The following ADCY2 variants were observed in gnomAD, a reference collection of about 807,000 sequenced individuals.
ADCY2 encodes adenylate cyclase type 2.
A neutral mutation model predicts 125.2 loss-of-function variants in ADCY2; 31 were observed. The ratio of observed to expected loss-of-function variants is 0.25; its 90% confidence interval spans 0.19 to 0.33. The LOEUF (loss-of-function observed/expected upper bound fraction) is 0.33. Among genes scored for constraint, ADCY2 ranks in the 10% least tolerant of loss-of-function variants. The probability of loss-of-function intolerance (pLI) is 1.00; values close to 1 mark genes in which losing one functional copy is unlikely to be tolerated. For missense variants in ADCY2, 904 were observed against 1,418.2 expected (o/e 0.64, Z 5.82); for synonymous variants, 512 against 548.4 (o/e 0.93, Z 0.93).
chr5:7,584,678 C>A (rs1017618205), intron 3 of ADCY2, among the ~76,000 whole-genome samples: 2 of 152,000 alleles, frequency 1.3e-5, no homozygotes, highest in African/African-American at 4.8e-5. Flanking sequence ...CCACAGTTGC[C>A]CAAAGAGCTG....
intron 4 of ADCY2, among the ~76,000 whole-genome samples, chr5:7,687,656 T>A (rs1460657974): frequency 6.6e-6 from 1 of 152,178 alleles, no homozygotes; most frequent in Non-Finnish European, 1.5e-5. Flanking sequence ...GAGTATTTAT[T>A]CATCAGCTAC....
intron 18 of ADCY2, among the ~76,000 whole-genome samples, chr5:7,775,334 G>A (rs1743686439): frequency 6.6e-6 from 1 of 152,064 alleles, no homozygotes; most frequent in Admixed American, 6.5e-5. Context: ...ACCCACCTCA[G>A]CCTCCCAAAG....
At chr5:7,817,330 G>A (rs1745149005) in intron 23 of ADCY2, among the ~76,000 whole-genome samples, 1 of 152,010 alleles carries the variant, frequency 6.6e-6, no homozygotes, top group African/African-American at 2.4e-5. Context: ...CTAACTATAA[G>A]ATACACCCAT....
At chr5:7,509,694 C>G (rs191470868) in intron 2 of ADCY2, among the ~76,000 whole-genome samples, 2 of 152,132 alleles carry the variant, frequency 1.3e-5, no homozygotes, top group East Asian at 1.9e-4. Flanking sequence ...AATATGTATT[C>G]TTTTGCTTAA....
In ADCY2 at chr5:7,820,705, G is replaced by T; in HGVS notation, c.3123+16G>T. The T allele has an allele frequency of 6.2e-7, 1 of 1,611,114 alleles. No homozygotes were observed. Among genetic ancestry groups the T allele is most frequent in the South Asian group, 1.1e-5 (1 of 90,828 alleles). ...CAAAATACAGGTAATGCAGAGTGTGGTCTGCGCTGCCTGCATCAACCATGT... is the reference window on the plus strand; with the variant it reads ...CAAAATACAGGTAATGCAGAGTGTGTTCTGCGCTGCCTGCATCAACCATGT... On this transcript the variant is annotated intron_variant, in intron 24 of 24. Coordinates refer to ENST00000338316, the MANE Select transcript of ADCY2 (RefSeq NM_020546.3).
At chr5:7,783,154 C>T (rs1458829986) in intron 18 of ADCY2, among the ~76,000 whole-genome samples, 2 of 152,164 alleles carry the variant, frequency 1.3e-5, no homozygotes. Flanking sequence ...TTGAGTCTTT[C>T]TTTCTGTTAA....
chr5:7,469,911 T>C (rs990532545), intron 2 of ADCY2, among the ~76,000 whole-genome samples: 8 of 151,788 alleles, frequency 5.3e-5, no homozygotes, highest in Admixed American at 5.2e-4. Context: ...TTGTTTTCTA[T>C]ATGTACTTTC....
At chr5:7,672,449 C>T (rs1739967549) in intron 4 of ADCY2, among the ~76,000 whole-genome samples, 1 of 152,038 alleles carries the variant, frequency 6.6e-6, no homozygotes, top group South Asian at 2.1e-4. Context: ...GGCCTGCCAC[C>T]TGTTTTTATG....
At chr5:7,416,131 T>C (rs1333163548) in intron 2 of ADCY2, among the ~76,000 whole-genome samples, 1 of 152,186 alleles carries the variant, frequency 6.6e-6, no homozygotes, top group Non-Finnish European at 1.5e-5. Flanking sequence ...TGTGCCTCAG[T>C]TGGAAAGAGC....
chr5:7,426,341 A>T (rs1218801142), intron 2 of ADCY2, among the ~76,000 whole-genome samples: 1 of 152,098 alleles, frequency 6.6e-6, no homozygotes, highest in Non-Finnish European at 1.5e-5. Flanking sequence ...AATAATAGAG[A>T]TTTATTTCTC....
At chr5:7,418,784 T>C (rs1358744715) in intron 2 of ADCY2, among the ~76,000 whole-genome samples, 3 of 150,780 alleles carry the variant, frequency 2.0e-5, no homozygotes, top group Non-Finnish European at 1.5e-5. Context: ...GCCTCCTGAG[T>C]AGCTGGGATT....
chr5:7,804,749 A>C (rs1579456956), intron 22 of ADCY2, 57 bp downstream of exon 22: 8 of 1,299,788 alleles, frequency 6.2e-6, no homozygotes, highest in Non-Finnish European at 2.2e-6. Context: ...TCCACAAACC[A>C]CCCTGGGACC....
chr5:7,606,631 A>T (rs972475698), intron 3 of ADCY2, among the ~76,000 whole-genome samples: 7 of 152,292 alleles, frequency 4.6e-5, no homozygotes, highest in African/African-American at 1.7e-4. Context: ...AAACTTTATC[A>T]GATTTGCTAA....
At chr5:7,421,677 C>T (rs1740209879) in intron 2 of ADCY2, among the ~76,000 whole-genome samples, 1 of 152,200 alleles carries the variant, frequency 6.6e-6, no homozygotes, top group South Asian at 2.1e-4. Context: ...GGTAGTAGGA[C>T]AGGCATTTCC....
chr5:7,589,504 A>AAG (rs1001227672), intron 3 of ADCY2, among the ~76,000 whole-genome samples: 2 of 70,646 alleles, frequency 2.8e-5, no homozygotes, highest in Admixed American at 2.2e-4. Flanking sequence ...GAAAGAAAGA[A>AAG]AGAAAGAAAA....
At chr5:7,735,234 G>A (rs1437171269) in intron 14 of ADCY2, among the ~76,000 whole-genome samples, 3 of 152,152 alleles carry the variant, frequency 2.0e-5, no homozygotes, top group Non-Finnish European at 4.4e-5. Context: ...ATCTCAGGTT[G>A]TCACATACTT....
At chr5:7,489,592 C>T (rs979552835) in intron 2 of ADCY2, among the ~76,000 whole-genome samples, 1 of 152,180 alleles carries the variant, frequency 6.6e-6, no homozygotes, top group Non-Finnish European at 1.5e-5. Context: ...GTAAGACATT[C>T]CTTTGCTCTA....
At chr5:7,493,915 C>T (rs1342032620) in intron 2 of ADCY2, among the ~76,000 whole-genome samples, 2 of 152,042 alleles carry the variant, frequency 1.3e-5, no homozygotes, top group Non-Finnish European at 1.5e-5. Flanking sequence ...GGCTCAGGTC[C>T]ATAAACCCAG....
intron 18 of ADCY2, among the ~76,000 whole-genome samples, chr5:7,773,830 T>C (rs1255182753): frequency 2.6e-5 from 4 of 152,224 alleles, no homozygotes. Context: ...GGTTTCCTGT[T>C]ACCAAATTAC....
Sources: allele counts gnomAD v4.1 joint callset (sites outside exome capture counted in the v4.1 genomes callset), GRCh38; gene constraint gnomAD v4.1.1; transcripts MANE v1.5; gene names NCBI Gene and HGNC (gene_info 2026-07-23, HGNC 2026-07-21).